MED12L: variants seen among roughly 807,000 people sequenced by gnomAD.
MED12L encodes the protein mediator of RNA polymerase II transcription subunit 12-like protein.
A neutral mutation model predicts 281.3 loss-of-function variants in MED12L; 60 were observed. The observed-to-expected ratio is 0.21, with a 90% CI of 0.17 to 0.26. The LOEUF (loss-of-function observed/expected upper bound fraction) is 0.26. Ranked by LOEUF, MED12L falls within the 10% of genes least tolerant of loss-of-function variation. MED12L has a pLI of 1.00. For synonymous variants in MED12L, 974 were observed against 987.2 expected (o/e 0.99, Z 0.25); for missense variants, 2,146 against 2,680.9 (o/e 0.80, Z 4.41).
intron 16 of MED12L, among the ~76,000 whole-genome samples, chr3:151,282,841 AT>A (rs201240551): frequency 0.022 from 3,333 of 152,350 alleles, 133 homozygotes; most frequent in African/African-American, 0.075. Context: ...TTTTGAAAAA[AT>A]TGTAATCTGA....
At chr3:151,154,403 T>C (rs1031846315) in intron 5 of MED12L, among the ~76,000 whole-genome samples, 1 of 152,198 alleles carries the variant, frequency 6.6e-6, no homozygotes, top group African/African-American at 2.4e-5. Flanking sequence ...TGGAAAGATA[T>C]ATATGAAAAT....
rs1560166585 is a variant in MED12L at position 151,436,305 on chromosome 3, G to A, written c.*3501G>A. The A allele has an allele frequency of 6.0e-6, 1 of 165,420 alleles. No homozygotes were observed. Among genetic ancestry groups the A allele is most frequent in the Admixed American group, 5.7e-5 (1 of 17,600 alleles). The allele number at this position is 165,420 out of a possible 1,614,324, so 10.2% of individuals were successfully genotyped here. On this transcript the variant is annotated 3_prime_UTR_variant, in exon 45 of 45. Transcript: ENST00000687756. ...GATTGCAGATTTAATATTTTCCATTGTCTCTGTTCTGAGTGCCATGCTTGT... is the reference window on the plus strand; with the variant it reads ...GATTGCAGATTTAATATTTTCCATTATCTCTGTTCTGAGTGCCATGCTTGT...
intron 16 of MED12L, chr3:151,212,285 G>T (rs1042793941): frequency 1.3e-5 from 2 of 152,120 alleles, no homozygotes; most frequent in Non-Finnish European, 2.9e-5. Flanking sequence ...GTCAGTAACC[G>T]TATGCCATGT....
intron 5 of MED12L, among the ~76,000 whole-genome samples, chr3:151,134,452 G>C (rs1034354567): frequency 1.3e-5 from 2 of 152,218 alleles, no homozygotes; most frequent in African/African-American, 2.4e-5. Context: ...GTCCAAACTT[G>C]GCTCCAGAGC....
chr3:151,211,399 T>G (rs1487913161), intron 16 of MED12L, among the ~76,000 whole-genome samples: 6 of 85,664 alleles, frequency 7.0e-5, no homozygotes, highest in African/African-American at 1.9e-4. Context: ...TTGTTTTTTG[T>G]TTTTTTTTTG....
intron 16 of MED12L, chr3:151,278,518 C>G (rs1166646250): frequency 1.3e-5 from 2 of 152,180 alleles, no homozygotes; most frequent in Non-Finnish European, 2.9e-5. Context: ...ACGTTTTAAT[C>G]TCTGTGGGTG....
chr3:151,408,705 T>C (rs41366744), intron 39 of MED12L, among the ~76,000 whole-genome samples: 10,704 of 152,312 alleles, frequency 0.07, 535 homozygotes, highest in Middle Eastern at 0.18. Context: ...GCCATTAACT[T>C]ACAAAATTTA....
rs1349111448 is a variant in MED12L, at chr3:151,436,287, G to A, written c.*3483G>A. On this transcript the variant is annotated 3_prime_UTR_variant, in exon 45 of 45. Coordinates refer to ENST00000687756, the MANE Select transcript of MED12L (RefSeq NM_001393769.1). ...GTAAATTTACATCATAAAGATTGCAGATTTAATATTTTCCATTGTCTCTGT... is the reference window on the plus strand; with the variant it reads ...GTAAATTTACATCATAAAGATTGCAAATTTAATATTTTCCATTGTCTCTGT... 6.3e-6 allele frequency: 1 copy of A among 158,976 alleles called. No homozygotes were observed. The highest frequency in any genetic ancestry group is 2.4e-5 in the African/African-American group (1 of 41,284). 9.8% of individuals were successfully genotyped at this position (158,976 alleles called of 1,614,324 possible).
intron 16 of MED12L, among the ~76,000 whole-genome samples, chr3:151,314,399 A>G (rs928204910): frequency 2.6e-5 from 4 of 152,182 alleles, no homozygotes; most frequent in African/African-American, 9.6e-5. Flanking sequence ...CTGAAGCAGA[A>G]GGTCTGAGAG....
intron 2 of MED12L, among the ~76,000 whole-genome samples, chr3:151,097,956 G>A (rs565492293): frequency 1.6e-3 from 244 of 152,294 alleles, no homozygotes; most frequent in Non-Finnish European, 2.8e-3. Context: ...GAACTTGGAG[G>A]GTGTGTAGGA....
At chr3:151,224,127 A>T (rs1399801344) in intron 16 of MED12L, among the ~76,000 whole-genome samples, 1 of 136,324 alleles carries the variant, frequency 7.3e-6, no homozygotes, top group Admixed American at 7.3e-5. Flanking sequence ...TTAGGAATAG[A>T]AATATCTATG....
In MED12L at chr3:151,264,810, C is replaced by T. The variant is rs571411030; in HGVS notation, c.2250+71144C>T. ...GTGTGGTCTCATCACACTTAGAAAA[C>T]ATCCAGAGTTTGGTCATGGCCTGCA... On this transcript the variant is annotated intron_variant, in intron 16 of 44. Coordinates refer to ENST00000687756, the MANE Select transcript of MED12L (RefSeq NM_001393769.1). 9.2e-4 allele frequency among the ~76,000 whole-genome samples: 140 copies of T among 152,248 alleles called. 1 individual carries two copies. The highest frequency in any genetic ancestry group is 8.1e-3 in the Admixed American group (124 of 15,290).
chr3:151,112,710 C>T (rs571549935), intron 2 of MED12L, among the ~76,000 whole-genome samples: 5 of 152,202 alleles, frequency 3.3e-5, no homozygotes, highest in South Asian at 4.1e-4. Context: ...CTAGGGAAAT[C>T]GATGTTATAA....
Position 151,158,804 on chromosome 3 carries a change from A to G in MED12L, c.837+5A>G. The G allele has an allele frequency of 1.3e-6, 2 of 1,584,146 alleles. No homozygotes were observed. The highest frequency in any genetic ancestry group is 8.7e-7 in the Non-Finnish European group (1 of 1,153,338). ...TTGCTACCACTAATGCTGCAGGTAT[A>G]GTACATGTCCCCTTGAGGCAGTTGG... On this transcript the variant is annotated splice_donor_5th_base_variant and intron_variant, in intron 7 of 44. Transcript: ENST00000687756.
At chr3:151,368,639 C>CATTTT in intron 25 of MED12L, among the ~76,000 whole-genome samples, 1 of 54,842 alleles carries the variant, frequency 1.8e-5, no homozygotes, top group South Asian at 7.4e-4. Flanking sequence ...TATTTCATTT[C>CATTTT]ATTTCATTTC....
intron 16 of MED12L, chr3:151,295,278 C>T: frequency 1.0e-6 from 1 of 990,378 alleles, no homozygotes; most frequent in Non-Finnish European, 1.5e-6. Context: ...ACTAGGTTCC[C>T]TTACAGACCC....
chr3:151,145,375 T>A (rs760036940), intron 5 of MED12L, among the ~76,000 whole-genome samples: 4 of 152,190 alleles, frequency 2.6e-5, no homozygotes, highest in Non-Finnish European at 4.4e-5. Flanking sequence ...ACACATTCTT[T>A]AAGGCATTGC....
rs1753748890 is a variant in MED12L, at chr3:151,355,110, T to C, written c.2399-11T>C. 6 of 1,595,382 alleles carry C rather than the reference T, an allele frequency of 3.8e-6. No homozygotes were observed. The highest frequency in any genetic ancestry group is 5.2e-6 in the Non-Finnish European group (6 of 1,163,856). On this transcript the variant is annotated splice_polypyrimidine_tract_variant and intron_variant, in intron 17 of 44. Transcript: ENST00000687756. The stretch of plus-strand genomic sequence containing the variant: ...AATGGAAAATAATGGATCTGCTTTA[T>C]GTTTATGTAGTTGGGGACGAAGGAC...
chr3:151,329,485 G>A (rs2149873581), intron 16 of MED12L: 1 of 1,542,378 alleles, frequency 6.5e-7, no homozygotes, highest in East Asian at 2.5e-5. Flanking sequence ...ATTCACCTTT[G>A]GGAGGATACT....
Sources: gnomAD v4.1 joint callset for allele counts (sites outside exome capture counted in the v4.1 genomes callset) on GRCh38, gnomAD v4.1.1 for gene constraint, MANE v1.5 for transcripts, NCBI Gene and HGNC (gene_info 2026-07-23, HGNC 2026-07-21) for gene names.